The following EPN2 variants were observed in gnomAD, a reference collection of about 807,000 sequenced individuals.
EPN2 encodes epsin-2.
Under a neutral mutation model 61.7 loss-of-function variants are expected in EPN2, and 34 were observed. The observed-to-expected ratio is 0.55, with a 90% CI of 0.42 to 0.73. The LOEUF (loss-of-function observed/expected upper bound fraction) is 0.73. EPN2 is among the 30% of genes least tolerant of loss of function. The pLI is 0.00. For synonymous variants in EPN2, 349 were observed against 353.6 expected, an observed-to-expected ratio of 0.99 and a Z score of 0.15; for missense variants, 714 against 839.2, an observed-to-expected ratio of 0.85 and a Z score of 1.84.
intron 9 of EPN2, 122 bp downstream of exon 9, chr17:19,329,769 T>C (rs111357249): frequency 3.3e-5 from 21 of 644,644 alleles, no homozygotes; most frequent in African/African-American, 2.4e-4. Context: ...TATTTTGATC[T>C]TGGGAGCCTG....
At chr17:19,257,166 A>C (rs919987577) in intron 1 of EPN2, among the ~76,000 whole-genome samples, 1 of 151,054 alleles carries the variant, frequency 6.6e-6, no homozygotes, top group Non-Finnish European at 1.5e-5. Context: ...CCTCCAAAAA[A>C]CCCCCTAGAT....
intron 7 of EPN2, among the ~76,000 whole-genome samples, chr17:19,327,665 C>G (rs1329837461): frequency 6.6e-6 from 1 of 152,044 alleles, no homozygotes; most frequent in African/African-American, 2.4e-5. Flanking sequence ...GAGTGAGACC[C>G]TATCTGATAA....
chr17:19,240,800 G>A (rs2044876434), intron 1 of EPN2, among the ~76,000 whole-genome samples: 1 of 152,190 alleles, frequency 6.6e-6, no homozygotes, highest in South Asian at 2.1e-4. Flanking sequence ...ACGTCTTTGA[G>A]GCCAGTGGTC....
intron 7 of EPN2, among the ~76,000 whole-genome samples, chr17:19,316,355 G>C (rs530350789): frequency 2.3e-3 from 352 of 152,398 alleles, no homozygotes; most frequent in Admixed American, 3.5e-3. Flanking sequence ...GCCCAGCCTA[G>C]GACCTTCTTG....
chr17:19,256,754 G>C (rs1015084526), intron 1 of EPN2, among the ~76,000 whole-genome samples: 5 of 152,154 alleles, frequency 3.3e-5, no homozygotes, highest in African/African-American at 1.2e-4. Context: ...CCATGGGCCT[G>C]TCTAATGGTG....
intron 1 of EPN2, among the ~76,000 whole-genome samples, chr17:19,257,584 C>T (rs2045094506): frequency 1.3e-5 from 2 of 149,596 alleles, no homozygotes; most frequent in South Asian, 4.2e-4. Flanking sequence ...ATGGTGCCAT[C>T]TTGGCTCACT....
chr17:19,316,937 C>T (rs866091061), intron 7 of EPN2, among the ~76,000 whole-genome samples: 1 of 152,224 alleles, frequency 6.6e-6, no homozygotes, highest in South Asian at 2.1e-4. Context: ...TTCACTGAAG[C>T]GTGTTAGCAC....
chr17:19,260,511 G>T (rs2045130008), intron 1 of EPN2, among the ~76,000 whole-genome samples: 1 of 152,206 alleles, frequency 6.6e-6, no homozygotes, highest in Non-Finnish European at 1.5e-5. Flanking sequence ...GAAGGACACA[G>T]GTGGACCTGG....
intron 7 of EPN2, among the ~76,000 whole-genome samples, chr17:19,326,686 C>CAGAAAA (rs1906888256): frequency 6.5e-5 from 5 of 76,866 alleles, no homozygotes; most frequent in African/African-American, 2.8e-4. Flanking sequence ...GACTCCGTCT[C>CAGAAAA]AAAAAAAAAA....
Position 19,334,605 on chromosome 17 carries a change from T to G in EPN2, c.*351T>G. On this transcript the variant is annotated 3_prime_UTR_variant, in exon 11 of 11. Transcript: ENST00000314728. The surrounding 1 kb of genome is among the most constrained non-coding windows in gnomAD (Gnocchi z 4.9). The stretch of plus-strand genomic sequence containing the variant: ...TGGCCCAGGACTTGGGACAGTGGCC[T>G]TGTCTTTGTCCTCCCCACCCCCCAG... 5.2e-6 allele frequency: 1 copy of G among 191,698 alleles called. No individual in the cohort carries two copies. Among genetic ancestry groups the G allele is most frequent in the East Asian group, 1.2e-4 (1 of 8,104 alleles). The allele number at this position is 191,698 out of a possible 1,614,324, so 11.9% of individuals were successfully genotyped here. A position where few individuals can be genotyped will look rare whatever the true frequency, so the allele number is the denominator to read the frequency against.
rs538615210 is a variant in EPN2, at chr17:19,242,094, C to T, written c.-294+4563C>T. On this transcript the variant is annotated intron_variant, in intron 1 of 10. Coordinates refer to ENST00000314728, the MANE Select transcript of EPN2 (RefSeq NM_014964.5). ...GTTTGAATGTCAATAATTAATGGAT[C>T]ATTTTAGCTGAGAGACACTAGATTT... is the stretch of plus-strand genomic sequence containing the variant. Among the ~76,000 whole-genome samples, 6 of 142,756 alleles carry T rather than the reference C, an allele frequency of 4.2e-5. No individual in the cohort carries two copies. The South Asian group carries it at 1.4e-3, about 32-fold the overall frequency. 93.7% of individuals were successfully genotyped at this position (142,756 alleles called of 152,430 possible).
At chr17:19,247,521 T>G (rs1177316563) in intron 1 of EPN2, among the ~76,000 whole-genome samples, 1 of 152,210 alleles carries the variant, frequency 6.6e-6, no homozygotes, top group Non-Finnish European at 1.5e-5. Flanking sequence ...GGAAGGTATT[T>G]CGGATCTCAG....
At chr17:19,247,062 G>A (rs147554209) in intron 1 of EPN2, among the ~76,000 whole-genome samples, 84 of 151,656 alleles carry the variant, frequency 5.5e-4, no homozygotes, top group Middle Eastern at 6.9e-3. Flanking sequence ...GAGCCACTGC[G>A]CCCAGCCCCC....
intron 4 of EPN2, among the ~76,000 whole-genome samples, chr17:19,289,357 T>TA (rs1449133485): frequency 2.0e-5 from 3 of 152,080 alleles, no homozygotes; most frequent in Non-Finnish European, 2.9e-5. Flanking sequence ...GTGCTGGGAT[T>TA]ACAGGTGTGA....
At chr17:19,273,767 C>A (rs1251652442) in intron 1 of EPN2, among the ~76,000 whole-genome samples, 1 of 152,174 alleles carries the variant, frequency 6.6e-6, no homozygotes, top group African/African-American at 2.4e-5. Context: ...CACTGTTTTT[C>A]TGGTATGAGG....
At chr17:19,314,910 A>C (rs1321337384) in intron 7 of EPN2, among the ~76,000 whole-genome samples, 2 of 152,218 alleles carry the variant, frequency 1.3e-5, no homozygotes, top group Non-Finnish European at 2.9e-5. Context: ...TTAGTCTGTA[A>C]AGTGATGGCC....
At chr17:19,268,199 C>G (rs1467193451) in intron 1 of EPN2, among the ~76,000 whole-genome samples, 1 of 152,198 alleles carries the variant, frequency 6.6e-6, no homozygotes, top group African/African-American at 2.4e-5. Flanking sequence ...TTCTCAGGAG[C>G]TGCCTGGAGC....
intron 1 of EPN2, among the ~76,000 whole-genome samples, chr17:19,267,318 G>A (rs2152210593): frequency 6.6e-6 from 1 of 151,920 alleles, no homozygotes; most frequent in South Asian, 2.1e-4. Flanking sequence ...AGTGATGATT[G>A]CACAACATTG....
chr17:19,327,830 G>C (rs1315956378), intron 7 of EPN2, among the ~76,000 whole-genome samples: 1 of 152,186 alleles, frequency 6.6e-6, no homozygotes, highest in African/African-American at 2.4e-5. Flanking sequence ...GTTCATAATG[G>C]TTGGGGTAGG....
Sources: gnomAD v4.1 joint callset for allele counts (sites outside exome capture counted in the v4.1 genomes callset) on GRCh38, gnomAD v4.1.1 for gene constraint, Gnocchi (gnomAD v3.1) non-coding constraint, MANE v1.5 for transcripts, NCBI Gene and HGNC (gene_info 2026-07-23, HGNC 2026-07-21) for gene names.